Variants in NCAPG2 observed in about 807,000 individuals in gnomAD.
NCAPG2 encodes condensin-2 complex subunit G2.
Under a neutral mutation model 141.1 loss-of-function variants are expected in NCAPG2, and 53 were observed. That is an observed-to-expected ratio of 0.38 (90% CI 0.30 to 0.47). The LOEUF is 0.47. Among genes scored for constraint, NCAPG2 ranks in the 20% least tolerant of loss-of-function variants. The probability of loss-of-function intolerance (pLI) is 0.99; values close to 1 mark genes in which losing one functional copy is unlikely to be tolerated. For missense variants in NCAPG2, 1,087 were observed against 1,389.0 expected, an observed-to-expected ratio of 0.78 and a Z score of 3.46; for synonymous variants, 499 against 490.7, an observed-to-expected ratio of 1.02 and a Z score of -0.22.
At chr7:158,680,700 T>A in intron 10 of NCAPG2, 21 bp downstream of exon 10, 1 of 1,445,228 alleles carries the variant, frequency 6.9e-7, no homozygotes, top group Non-Finnish European at 9.3e-7. Context: ...CAAACACGGA[T>A]AAACTATTTG....
intron 17 of NCAPG2, among the ~76,000 whole-genome samples, chr7:158,657,383 G>A (rs1239875594): frequency 6.6e-6 from 1 of 152,214 alleles, no homozygotes. Flanking sequence ...GTGACCAACG[G>A]TGACCTTGTG....
chr7:158,693,065 C>T (rs1587295081), intron 3 of NCAPG2, 109 bp from the exon 4 acceptor site: 1 of 864,688 alleles, frequency 1.2e-6, no homozygotes, highest in East Asian at 2.6e-5. Context: ...ACAATTCTAG[C>T]TTATTCTAAA....
intron 22 of NCAPG2, among the ~76,000 whole-genome samples, chr7:158,653,238 G>C (rs997153777): frequency 1.3e-5 from 2 of 151,802 alleles, no homozygotes; most frequent in Admixed American, 6.6e-5. Flanking sequence ...GTGGGCACCT[G>C]TAATCCCAGC....
intron 7 of NCAPG2, 107 bp from the exon 8 acceptor site, chr7:158,686,348 A>C: frequency 1.7e-6 from 1 of 590,346 alleles, no homozygotes; most frequent in Non-Finnish European, 2.8e-6. Context: ...AACTCAGTTT[A>C]AACTAGTGCT....
intron 16 of NCAPG2, 110 bp downstream of exon 16, chr7:158,662,084 A>T: frequency 9.7e-7 from 1 of 1,030,362 alleles, no homozygotes; most frequent in Non-Finnish European, 1.4e-6. Context: ...CTCTCATTTT[A>T]CAGATGAGAA....
At chr7:158,655,563 C>T (rs1263123148) in intron 19 of NCAPG2, 108 bp from the exon 20 acceptor site, 2 of 908,208 alleles carry the variant, frequency 2.2e-6, no homozygotes, top group Middle Eastern at 2.2e-4. Flanking sequence ...GCTGAAAAGA[C>T]CCCCGCTCTG....
chr7:158,635,163 A>G (rs902265377), intron 27 of NCAPG2, among the ~76,000 whole-genome samples: 3 of 152,342 alleles, frequency 2.0e-5, no homozygotes, highest in Non-Finnish European at 4.4e-5. Context: ...GGTTTTACAC[A>G]TGAATACTTT....
In NCAPG2 at chr7:158,689,916, G is replaced by C; in HGVS notation, c.575C>G (p.Ala192Gly). 1.2e-6 allele frequency: 2 copies of C among 1,603,392 alleles called. No homozygotes were observed. The highest frequency in any genetic ancestry group is 1.7e-6 in the Non-Finnish European group (2 of 1,175,662). ...DVCRLWRIHQALYCFDYDLEE... is the reference protein window; with the variant it reads ...DVCRLWRIHQGLYCFDYDLEE... Reference sequence around the variant, plus strand: ...CAAATCATAATCAAAGCAATATAAAGCTTGATGGATACGCCAAAGCCGACA... The same window carrying C: ...CAAATCATAATCAAAGCAATATAAACCTTGATGGATACGCCAAAGCCGACA... Residue 192 changes from alanine to glycine, a missense_variant, in exon 6 of 28, where the codon GCT (alanine) becomes GGT (glycine). By Grantham distance (60) the Ala-to-Gly change is moderately conservative. Coordinates refer to ENST00000356309, the MANE Select transcript of NCAPG2 (RefSeq NM_017760.7).
chr7:158,652,089 C>T (rs1831533334), intron 23 of NCAPG2, among the ~76,000 whole-genome samples: 1 of 152,168 alleles, frequency 6.6e-6, no homozygotes, highest in South Asian at 2.1e-4. Flanking sequence ...ACAGGGGTCA[C>T]CATCTCCCTC....
chr7:158,665,871 T>C (rs1587172953), intron 13 of NCAPG2, among the ~76,000 whole-genome samples: 2 of 152,338 alleles, frequency 1.3e-5, no homozygotes, highest in South Asian at 2.1e-4. Flanking sequence ...GACACTGTCA[T>C]TACTACCTCC....
rs138397375 is a variant in NCAPG2 at position 158,686,112 on chromosome 7, C to T, written c.837+60G>A. 1.0e-4 allele frequency: 107 copies of T among 1,042,810 alleles called. No homozygotes were observed. In the African/African-American group the frequency reaches 1.6e-3, roughly 16 times the overall value. The allele number at this position is 1,042,810 out of a possible 1,614,324, so 64.6% of individuals were successfully genotyped here. On this transcript the variant is annotated intron_variant, in intron 8 of 27. Transcript: ENST00000356309. ...ATCTTAAATAACCCTTCTTTGACTA[C>T]TTATTTAGTAACTAAAATATAATAA...
rs143440306 is a variant in NCAPG2 at position 158,648,887 on chromosome 7, G to C, written c.3075+1945C>G. Among the ~76,000 whole-genome samples, 316 of 48,070 alleles carry C rather than the reference G, an allele frequency of 6.6e-3. 14 individuals carry two copies. The highest frequency in any genetic ancestry group is 0.018 in the Middle Eastern group (1 of 56). 31.5% of individuals were successfully genotyped at this position (48,070 alleles called of 152,430 possible). A position where few individuals can be genotyped will look rare whatever the true frequency, so the allele number is the denominator to read the frequency against. ...CCACGGCAAATGGACTATAACCACG[G>C]CAAATGGACTATAACCACGCCAAAT... On this transcript the variant is annotated intron_variant, in intron 24 of 27. Transcript: ENST00000356309.
In NCAPG2 at chr7:158,633,782, G is replaced by A. The variant is rs1248118109; in HGVS notation, c.3381-2065C>T. Among the ~76,000 whole-genome samples, 5 of 151,870 alleles carry A rather than the reference G, an allele frequency of 3.3e-5. No homozygotes were observed. Among genetic ancestry groups the A allele is most frequent in the East Asian group, 3.9e-4 (2 of 5,174 alleles). On this transcript the variant is annotated intron_variant, in intron 27 of 27. Coordinates refer to ENST00000356309, the MANE Select transcript of NCAPG2 (RefSeq NM_017760.7). This position sits in a 1 kb window ranked among gnomAD's most constrained non-coding sequence, Gnocchi z 4.1. ...ATTTTTTTTTTTGAGACAGGGTCAC[G>A]CTCTGTCACCCAGGCTGAAGTGCAG... is the stretch of plus-strand genomic sequence containing the variant.
intron 27 of NCAPG2, among the ~76,000 whole-genome samples, chr7:158,632,811 A>T (rs1385826570): frequency 1.3e-5 from 2 of 152,194 alleles, no homozygotes; most frequent in African/African-American, 4.8e-5. Context: ...AATATATTTT[A>T]TTTAACCCAA....
rs766582535 is a variant in NCAPG2, at chr7:158,664,168, G to A, written c.1815+16C>T. 4.5e-6 allele frequency: 7 copies of A among 1,565,662 alleles called. No homozygotes were observed. Among genetic ancestry groups the A allele is most frequent in the African/African-American group, 4.1e-5 (3 of 73,820 alleles). On this transcript the variant is annotated intron_variant, in intron 15 of 27. Coordinates refer to ENST00000356309, the MANE Select transcript of NCAPG2 (RefSeq NM_017760.7). Reference sequence around the variant, plus strand: ...ACTGAGGCACTATCTGCCCGGCCTGGCCCTGTTCTACTCACAGTCACATTC... The same window carrying A: ...ACTGAGGCACTATCTGCCCGGCCTGACCCTGTTCTACTCACAGTCACATTC...
At chr7:158,653,285 T>C (rs1006403538) in intron 22 of NCAPG2, among the ~76,000 whole-genome samples, 3 of 150,610 alleles carry the variant, frequency 2.0e-5, no homozygotes, top group African/African-American at 7.3e-5. Flanking sequence ...TGCTTGAACC[T>C]AGAGGTGGAG....
chr7:158,637,210 G>T (rs1830282145), intron 27 of NCAPG2, among the ~76,000 whole-genome samples: 1 of 152,228 alleles, frequency 6.6e-6, no homozygotes, highest in South Asian at 2.1e-4. Flanking sequence ...GCCTCCCAAA[G>T]TGCTGAGAGG....
intron 14 of NCAPG2, 28 bp downstream of exon 14, chr7:158,664,498 CAA>C: frequency 6.2e-7 from 1 of 1,601,912 alleles, no homozygotes; most frequent in East Asian, 2.2e-5. Context: ...GAAAACATAA[CAA>C]GAACTGAGAA....
chr7:158,631,974 G>A (rs1353671032), intron 27 of NCAPG2, among the ~76,000 whole-genome samples: 1 of 152,124 alleles, frequency 6.6e-6, no homozygotes, highest in African/African-American at 2.4e-5. Flanking sequence ...GCAATGAAAC[G>A]TGCTCACTGG....
Sources: gnomAD v4.1 joint callset for allele counts (sites outside exome capture counted in the v4.1 genomes callset) on GRCh38, gnomAD v4.1.1 for gene constraint, Gnocchi (gnomAD v3.1) non-coding constraint, MANE v1.5 for transcripts, NCBI Gene and HGNC (gene_info 2026-07-23, HGNC 2026-07-21) for gene names.